Variants in FKBP5 observed in about 807,000 individuals in gnomAD.
FKBP5 encodes peptidyl-prolyl cis-trans isomerase FKBP5.
In FKBP5, 23 loss-of-function variants were observed where a neutral mutation model predicts 50.5. The ratio of observed to expected loss-of-function variants is 0.46; its 90% CI spans 0.33 to 0.65. The LOEUF (loss-of-function observed/expected upper bound fraction) is 0.65. FKBP5 is among the 30% of genes least tolerant of loss of function. The probability of loss-of-function intolerance (pLI) is 0.02; values close to 1 mark genes in which losing one functional copy is unlikely to be tolerated. For synonymous variants in FKBP5, 176 were observed against 190.6 expected, an observed-to-expected ratio of 0.92 and a Z score of 0.63; for missense variants, 411 against 553.1, an observed-to-expected ratio of 0.74 and a Z score of 2.58.
upstream of FKBP5, among the ~76,000 whole-genome samples, chr6:35,693,367 G>A (rs1213136800): frequency 6.6e-6 from 1 of 151,724 alleles, no homozygotes; most frequent in Non-Finnish European, 1.5e-5. Flanking sequence ...GTTTCACCAT[G>A]TTAGCCAGGA....
Position 35,649,176 on chromosome 6 carries a change from G to A in FKBP5, c.-19-6333C>T, listed in dbSNP as rs571611069. Among the ~76,000 whole-genome samples the A allele has an allele frequency of 9.3e-5, 14 of 150,754 alleles. No individual in the cohort carries two copies. The South Asian group carries it at 2.5e-3, about 27-fold the overall frequency. ...TGAGGCAGAAGAATGGCGTGAACCC[G>A]GGAGGCAGAGCTTGCAGTGAGCCAA... On this transcript the variant is annotated intron_variant, in intron 1 of 10. Transcript: ENST00000357266.
Position 35,577,180 on chromosome 6 carries a change from G to A in FKBP5, c.1080C>T (p.Ala360=). The A allele has an allele frequency of 6.2e-7, 1 of 1,613,998 alleles. No individual in the cohort carries two copies. Among genetic ancestry groups the A allele is most frequent in the Non-Finnish European group, 8.5e-7 (1 of 1,179,928 alleles). ...NEKGLYRRGE[A]QLLMNEFESA... ...ACTCAAACTCGTTCATGAGCAGCTG[G>A]GCTTCACCCCTCCTATACAAGCCTT... The change falls in exon 10 of 11, where the codon GCC becomes GCT. Residue 360 remains alanine, a synonymous_variant. Coordinates refer to ENST00000357266, the MANE Select transcript of FKBP5 (RefSeq NM_004117.4).
At position 35,725,053 on chromosome 6, in the gene FKBP5, T is replaced by C. The variant is rs572978651; in HGVS notation, c.-241+3455A>G. ...ATAAGCAATCAAGATTAGCCATCAA[T>C]GTGAATAATAATATCCCATGCTCCT... On this transcript the variant is annotated intron_variant, in intron 1 of 11. Transcript: ENST00000536438. 4.6e-5 allele frequency among the ~76,000 whole-genome samples: 7 copies of C among 152,316 alleles called. No homozygotes were observed. The East Asian group carries it at 1.3e-3, about 29-fold the overall frequency.
At chr6:35,654,328 T>C (rs182171157) in intron 1 of FKBP5, among the ~76,000 whole-genome samples, 77 of 152,336 alleles carry the variant, frequency 5.1e-4, no homozygotes, top group African/African-American at 1.6e-3. Context: ...AAAACACTTC[T>C]TGTCCCAAGC....
chr6:35,715,143 AC>A, intron 2 of FKBP5, among the ~76,000 whole-genome samples: 1 of 152,116 alleles, frequency 6.6e-6, no homozygotes. Context: ...CAGGTGATCC[AC>A]CCGCCTTGGC....
chr6:35,575,788 TGAG>T lies in FKBP5; in HGVS notation c.*44_*46del. ...TGTCCTGAGTTGGGGGAAAGCCCAT[TGAG>T]GAGGGGCCGAGTTCACTGGGACTCT... On this transcript the variant is annotated 3_prime_UTR_variant, in exon 11 of 11. Coordinates refer to ENST00000357266, the MANE Select transcript of FKBP5 (RefSeq NM_004117.4). The T allele has an allele frequency of 8.2e-7, 1 of 1,216,370 alleles. No homozygotes were observed. The highest frequency in any genetic ancestry group is 1.2e-6 in the Non-Finnish European group (1 of 816,612). The allele number at this position is 1,216,370 out of a possible 1,614,324, so 75.3% of individuals were successfully genotyped here.
At chr6:35,707,090 G>A (rs1388096069) in intron 2 of FKBP5, among the ~76,000 whole-genome samples, 1 of 152,078 alleles carries the variant, frequency 6.6e-6, no homozygotes, top group African/African-American at 2.4e-5. Context: ...CTAAGGGGAT[G>A]GGACTGGGAA....
chr6:35,666,870 G>A (rs1255103449), intron 1 of FKBP5, among the ~76,000 whole-genome samples: 2 of 152,028 alleles, frequency 1.3e-5, no homozygotes, highest in Non-Finnish European at 2.9e-5. Flanking sequence ...GCGACAGAGC[G>A]AGACTCTCTC....
Position 35,602,120 on chromosome 6 carries a change from G to A in FKBP5, c.509-4716C>T, listed in dbSNP as rs753251075. On this transcript the variant is annotated intron_variant, in intron 5 of 10. Transcript: ENST00000357266. The stretch of plus-strand genomic sequence containing the variant: ...CTGAATGTGGCTGGCACATGAACTC[G>A]ATGTGCTGACAGCAATTTGTACTCC... Among the ~76,000 whole-genome samples the A allele has an allele frequency of 4.6e-5, 7 of 152,146 alleles. No homozygotes were observed. The East Asian group carries it at 7.8e-4, about 17-fold the overall frequency.
intron 2 of FKBP5, among the ~76,000 whole-genome samples, chr6:35,640,610 A>G (rs1200601715): frequency 2.6e-5 from 4 of 152,212 alleles, no homozygotes; most frequent in African/African-American, 9.6e-5. Context: ...TTAGCTTACT[A>G]TAACATTTTT....
chr6:35,585,043 G>A (rs1381970408), intron 8 of FKBP5: 3 of 985,216 alleles, frequency 3.0e-6, no homozygotes, highest in East Asian at 1.1e-4. Flanking sequence ...TACCAATAAT[G>A]TTCTCCAAAA....
chr6:35,672,158 G>A (rs901295738), intron 1 of FKBP5, among the ~76,000 whole-genome samples: 2 of 152,078 alleles, frequency 1.3e-5, no homozygotes, highest in East Asian at 3.9e-4. Flanking sequence ...GTGAGCGACC[G>A]TGACCGGCCA....
At chr6:35,650,711 A>C (rs1410687137) in intron 1 of FKBP5, among the ~76,000 whole-genome samples, 2 of 152,016 alleles carry the variant, frequency 1.3e-5, no homozygotes, top group Non-Finnish European at 2.9e-5. Flanking sequence ...CTTCAGCTCA[A>C]GTGACCCGCC....
chr6:35,662,292 T>G (rs373401403), intron 1 of FKBP5, among the ~76,000 whole-genome samples: 3 of 116,952 alleles, frequency 2.6e-5, no homozygotes, highest in African/African-American at 9.5e-5. Flanking sequence ...TTTTTTTTTT[T>G]GAGACAGAGT....
intron 5 of FKBP5, among the ~76,000 whole-genome samples, chr6:35,612,569 T>C (rs1463577322): frequency 6.6e-6 from 1 of 152,238 alleles, no homozygotes; most frequent in African/African-American, 2.4e-5. Context: ...AAGAACTGCC[T>C]GAGACTGGGT....
At chr6:35,644,636 A>G (rs771747970) in intron 1 of FKBP5, among the ~76,000 whole-genome samples, 1 of 152,222 alleles carries the variant, frequency 6.6e-6, no homozygotes, top group Non-Finnish European at 1.5e-5. Flanking sequence ...GGCCAGAACA[A>G]TCGTTCTCAA....
chr6:35,654,252 C>A (rs1764889431), intron 1 of FKBP5, among the ~76,000 whole-genome samples: 1 of 152,068 alleles, frequency 6.6e-6, no homozygotes, highest in Non-Finnish European at 1.5e-5. Flanking sequence ...GCATTACATG[C>A]CAAAATATCT....
intron 6 of FKBP5, 27 bp downstream of exon 6, chr6:35,597,221 T>C: frequency 6.2e-7 from 1 of 1,611,942 alleles, no homozygotes; most frequent in Non-Finnish European, 8.5e-7. Flanking sequence ...GTGACTTCAC[T>C]GTGTTCCAAA....
chr6:35,676,309 T>A (rs1765520993), intron 1 of FKBP5, among the ~76,000 whole-genome samples: 1 of 152,336 alleles, frequency 6.6e-6, no homozygotes, highest in South Asian at 2.1e-4. Flanking sequence ...AAAGTATGTA[T>A]GAGAAACAGC....
Sources: allele counts gnomAD v4.1 joint callset (sites outside exome capture counted in the v4.1 genomes callset), GRCh38; gene constraint gnomAD v4.1.1; transcripts MANE v1.5; gene names NCBI Gene and HGNC (gene_info 2026-07-23, HGNC 2026-07-21).